The following MTF2 variants were observed in gnomAD, a reference collection of about 807,000 sequenced individuals.
MTF2 encodes the protein metal response element binding transcription factor 2, also known as metal-response element-binding transcription factor 2.
MTF2 carries 11 observed loss-of-function variants against 79.5 expected under a neutral mutation model. That is an observed-to-expected ratio of 0.14 (90% CI 0.09 to 0.23). The LOEUF (loss-of-function observed/expected upper bound fraction) is 0.23. Ranked by LOEUF, MTF2 falls within the 10% of genes least tolerant of loss-of-function variation. The probability of loss-of-function intolerance (pLI) is 1.00; values close to 1 mark genes in which losing one functional copy is unlikely to be tolerated. For synonymous variants in MTF2, 208 were observed against 232.8 expected, an observed-to-expected ratio of 0.89 and a Z score of 0.97; for missense variants, 486 against 711.2, an observed-to-expected ratio of 0.68 and a Z score of 3.60.
intron 1 of MTF2, among the ~76,000 whole-genome samples, chr1:93,084,454 C>G (rs1304348859): frequency 2.0e-5 from 3 of 152,036 alleles, no homozygotes; most frequent in African/African-American, 7.2e-5. Context: ...TTTTAAAAAA[C>G]AATTTGGCTA....
At chr1:93,081,576 C>A (rs1052354595) in intron 1 of MTF2, among the ~76,000 whole-genome samples, 2 of 152,118 alleles carry the variant, frequency 1.3e-5, no homozygotes, top group African/African-American at 4.8e-5. Context: ...CCCTGTTCTT[C>A]AGGAAAATTT....
chr1:93,104,677 CAAAA>C (rs35746040), intron 1 of MTF2, among the ~76,000 whole-genome samples: 6 of 96,384 alleles, frequency 6.2e-5, no homozygotes, highest in Admixed American at 1.0e-4. Context: ...GACTCCATCT[CAAAA>C]AAAAAAAAAA....
rs920483043 is a variant in MTF2 at position 93,133,862 on chromosome 1, G to C, written c.1266+54G>C. On this transcript the variant is annotated intron_variant, in intron 12 of 14. Coordinates refer to ENST00000370298, the MANE Select transcript of MTF2 (RefSeq NM_007358.4). ...AAGAAGAAGGATGCATGAAATAACT[G>C]AGAAGCTAGTATTTTTTTCAGCTTA... is the stretch of plus-strand genomic sequence containing the variant. 7.8e-6 allele frequency: 12 copies of C among 1,531,796 alleles called. No homozygotes were observed. The East Asian group carries it at 2.0e-4, about 26-fold the overall frequency. 94.9% of individuals were successfully genotyped at this position (1,531,796 alleles called of 1,614,324 possible).
intron 1 of MTF2, among the ~76,000 whole-genome samples, chr1:93,107,806 G>T (rs1483799134): frequency 6.6e-6 from 1 of 150,796 alleles, no homozygotes; most frequent in African/African-American, 2.4e-5. Context: ...CTTTTGACAG[G>T]TTCTCTCTCT....
chr1:93,100,308 T>C (rs532451839), intron 1 of MTF2, among the ~76,000 whole-genome samples: 1 of 152,178 alleles, frequency 6.6e-6, no homozygotes, highest in South Asian at 2.1e-4. Flanking sequence ...TTTGTTTGTT[T>C]GTTTGTTTGT....
intron 1 of MTF2, among the ~76,000 whole-genome samples, chr1:93,100,897 A>G (rs1010029719): frequency 3.3e-5 from 5 of 152,204 alleles, no homozygotes; most frequent in African/African-American, 4.8e-5. Context: ...GAATTTGACT[A>G]TATCTGTATG....
chr1:93,084,745 A>G (rs1415013835), intron 1 of MTF2, among the ~76,000 whole-genome samples: 1 of 152,032 alleles, frequency 6.6e-6, no homozygotes, highest in Non-Finnish European at 1.5e-5. Context: ...GGTCCCAGCT[A>G]CTCAGGAGGC....
chr1:93,123,790 C>T (rs1488374470), intron 9 of MTF2, among the ~76,000 whole-genome samples: 1 of 133,496 alleles, frequency 7.5e-6, no homozygotes, highest in East Asian at 2.4e-4. Context: ...ATAAAGGAAG[C>T]ACTGTGACTG....
intron 11 of MTF2, among the ~76,000 whole-genome samples, chr1:93,131,182 TAA>T (rs1656904778): frequency 6.6e-6 from 1 of 151,436 alleles, no homozygotes; most frequent in Non-Finnish European, 1.5e-5. Flanking sequence ...AGAGGTGAAA[TAA>T]GCAAGGAGAC....
At chr1:93,100,741 A>G (rs769613066) in intron 1 of MTF2, among the ~76,000 whole-genome samples, 3 of 152,360 alleles carry the variant, frequency 2.0e-5, no homozygotes, top group African/African-American at 7.2e-5. Flanking sequence ...AAAGAAGGCA[A>G]CGAGTCTCAG....
At chr1:93,119,440 T>C (rs1482248548) in intron 8 of MTF2, 39 bp downstream of exon 8, 7 of 1,475,816 alleles carry the variant, frequency 4.7e-6, no homozygotes, top group Non-Finnish European at 6.4e-6. Context: ...AGAAAAGCCA[T>C]TTTCTTAAAC....
chr1:93,130,821 C>A (rs1005279917), intron 11 of MTF2, among the ~76,000 whole-genome samples: 2 of 152,038 alleles, frequency 1.3e-5, no homozygotes, highest in Non-Finnish European at 2.9e-5. Context: ...TTAAATAATG[C>A]CCAGATTTCT....
intron 1 of MTF2, 82 bp downstream of exon 1, chr1:93,079,613 A>C: frequency 2.6e-6 from 4 of 1,551,900 alleles, no homozygotes; most frequent in Non-Finnish European, 3.6e-6. Context: ...GCAAGTATAA[A>C]AGGGAAAGAT....
intron 1 of MTF2, among the ~76,000 whole-genome samples, chr1:93,109,569 A>T (rs950391037): frequency 2.0e-5 from 3 of 152,164 alleles, no homozygotes; most frequent in African/African-American, 7.2e-5. Context: ...TCCTGGCCTC[A>T]GGTGATCCAC....
At position 93,137,118 on chromosome 1, in the gene MTF2, T is replaced by TAA. The variant is rs574626028; in HGVS notation, c.*104_*105dup. On this transcript the variant is annotated 3_prime_UTR_variant, in exon 15 of 15. Coordinates refer to ENST00000370298, the MANE Select transcript of MTF2 (RefSeq NM_007358.4). ...GGAGTCTGGCTTTTACTATCTTTCT[T>TAA]AAAAAAAAAAAAAAGTCAAAAAAAT... The TAA allele has an allele frequency of 1.2e-3, 971 of 817,588 alleles. No individual in the cohort carries two copies. Among genetic ancestry groups the TAA allele is most frequent in the South Asian group, 1.9e-3 (75 of 38,894 alleles). 50.6% of individuals were successfully genotyped at this position (817,588 alleles called of 1,614,324 possible).
At chr1:93,108,663 A>T (rs1655905664) in intron 1 of MTF2, among the ~76,000 whole-genome samples, 1 of 133,956 alleles carries the variant, frequency 7.5e-6, no homozygotes, top group Admixed American at 8.1e-5. Context: ...GGCTGGGTGT[A>T]GATCTCTTTG....
At chr1:93,124,273 ATACT>A (rs1217004803) in intron 9 of MTF2, among the ~76,000 whole-genome samples, 2 of 152,078 alleles carry the variant, frequency 1.3e-5, no homozygotes, top group African/African-American at 4.8e-5. Flanking sequence ...GATAGTAAAA[ATACT>A]TAACATTTGA....
At chr1:93,108,822 C>T (rs1233422859) in intron 1 of MTF2, among the ~76,000 whole-genome samples, 3 of 152,158 alleles carry the variant, frequency 2.0e-5, no homozygotes, top group Non-Finnish European at 2.9e-5. Flanking sequence ...AACACTAACT[C>T]CCTATTCCCC....
chr1:93,108,610 T>TC (rs1474315076), intron 1 of MTF2, among the ~76,000 whole-genome samples: 1 of 150,898 alleles, frequency 6.6e-6, no homozygotes, highest in Non-Finnish European at 1.5e-5. Flanking sequence ...TTCAAGATTT[T>TC]TTTTTTTTTT....
Sources: allele counts gnomAD v4.1 joint callset (sites outside exome capture counted in the v4.1 genomes callset), GRCh38; gene constraint gnomAD v4.1.1; transcripts MANE v1.5; gene names NCBI Gene and HGNC (gene_info 2026-07-23, HGNC 2026-07-21).